Variants in CARMIL1 observed in about 807,000 individuals in gnomAD.
CARMIL1 encodes F-actin-uncapping protein LRRC16A.
A neutral mutation model predicts 177.1 loss-of-function variants in CARMIL1; 90 were observed. The ratio of observed to expected loss-of-function variants is 0.51; its 90% confidence interval spans 0.43 to 0.61. CARMIL1 has a LOEUF of 0.61. CARMIL1 is among the 20% of genes least tolerant of loss of function. The pLI, the probability that CARMIL1 is intolerant of heterozygous loss-of-function variation, is 0.00. For missense variants in CARMIL1, 1,380 were observed against 1,667.0 expected, an observed-to-expected ratio of 0.83 and a Z score of 3.00; for synonymous variants, 577 against 606.2, an observed-to-expected ratio of 0.95 and a Z score of 0.71.
chr6:25,555,189 T>C (rs958081056), intron 28 of CARMIL1, among the ~76,000 whole-genome samples: 2 of 152,192 alleles, frequency 1.3e-5, no homozygotes, highest in Non-Finnish European at 2.9e-5. Context: ...GTTATCTTTC[T>C]GATTTTTCTT....
rs565861368 is a variant in CARMIL1, at chr6:25,449,963, A to G, written c.437A>G (p.Asp146Gly). 1.4e-4 allele frequency: 224 copies of G among 1,611,686 alleles called. No individual in the cohort carries two copies. The South Asian group carries it at 2.2e-3, about 16-fold the overall frequency. ...CTGGCTAGTCTCCAGGCGCTGTGGG[A>G]CAGCCAGACCGTGGCTGAGCAGGGC... ...ERLASLQALW[D>G]SQTVAEQGPC... The change falls in exon 6 of 37, where the codon GAC becomes GGC. Residue 146 changes from aspartate (D) to glycine (G), a missense_variant. Coordinates refer to ENST00000329474, the MANE Select transcript of CARMIL1 (RefSeq NM_017640.6).
intron 2 of CARMIL1, among the ~76,000 whole-genome samples, chr6:25,390,320 A>ATATATATATATATATATATATTTTTTT (rs1554184839): frequency 1.9e-4 from 11 of 58,088 alleles, no homozygotes; most frequent in Admixed American, 4.7e-4. Flanking sequence ...ATATATATAT[A>ATATATATATATATATATATATTTTTTT]TTTTTTTTTT....
At chr6:25,496,441 G>A (rs192688096) in intron 16 of CARMIL1, among the ~76,000 whole-genome samples, 78 of 135,672 alleles carry the variant, frequency 5.7e-4, no homozygotes, top group Admixed American at 3.4e-3. Context: ...TTGCACCACT[G>A]CCAGCCTGGC....
At chr6:25,340,804 T>G (rs895731656) in intron 2 of CARMIL1, among the ~76,000 whole-genome samples, 1 of 128,244 alleles carries the variant, frequency 7.8e-6, no homozygotes, top group Non-Finnish European at 1.7e-5. Flanking sequence ...TTTTTTTTTT[T>G]AAGTCGTGTA....
chr6:25,338,289 A>G (rs2150312819), intron 2 of CARMIL1, among the ~76,000 whole-genome samples: 1 of 152,260 alleles, frequency 6.6e-6, no homozygotes, highest in South Asian at 2.1e-4. Context: ...AGGTGGTAGT[A>G]TAAAAAAAGG....
At chr6:25,490,756 A>AAAT (rs1562209014) in intron 13 of CARMIL1, among the ~76,000 whole-genome samples, 1 of 143,916 alleles carries the variant, frequency 6.9e-6, no homozygotes, top group Non-Finnish European at 1.5e-5. Context: ...TAAATAAAAA[A>AAAT]AAATAAATGT....
chr6:25,507,993 C>T (rs555067734), intron 17 of CARMIL1, among the ~76,000 whole-genome samples: 1 of 151,872 alleles, frequency 6.6e-6, no homozygotes, highest in African/African-American at 2.4e-5. Context: ...GAATAAAATA[C>T]AAGAAATATT....
At chr6:25,376,143 CG>C (rs1438845885) in intron 2 of CARMIL1, among the ~76,000 whole-genome samples, 1 of 152,144 alleles carries the variant, frequency 6.6e-6, no homozygotes, top group Non-Finnish European at 1.5e-5. Flanking sequence ...TGCAATGGCA[CG>C]ATCTTGGCTC....
At chr6:25,311,342 A>C (rs2150206323) in intron 2 of CARMIL1, among the ~76,000 whole-genome samples, 1 of 152,314 alleles carries the variant, frequency 6.6e-6, no homozygotes, top group South Asian at 2.1e-4. Flanking sequence ...ACAGCAGTTA[A>C]TTGCCATCAA....
At chr6:25,453,259 A>C (rs181098726) in intron 8 of CARMIL1, among the ~76,000 whole-genome samples, 209 of 152,002 alleles carry the variant, frequency 1.4e-3, no homozygotes, top group African/African-American at 4.6e-3. Flanking sequence ...AAAAAAAAAA[A>C]CAAACATATT....
chr6:25,385,481 T>G (rs1174030893), intron 2 of CARMIL1, among the ~76,000 whole-genome samples: 1 of 152,216 alleles, frequency 6.6e-6, no homozygotes, highest in Non-Finnish European at 1.5e-5. Flanking sequence ...AATGATTCGT[T>G]CATGCATTTC....
Position 25,450,389 on chromosome 6 carries a change from T to A in CARMIL1, c.520T>A (p.Tyr174Asn). Residue 174 changes from tyrosine to asparagine, a missense_variant, in exon 7 of 37, where the codon TAC (tyrosine) becomes AAC (asparagine). By Grantham distance (143) the Tyr-to-Asn change is moderately radical (BLOSUM62 -2). Coordinates refer to ENST00000329474, the MANE Select transcript of CARMIL1 (RefSeq NM_017640.6). ...TGTTTGTGACTGGCTTGGATTTTCA[T>A]ACAGGGAAGAAGTACAATGGGTAAG... Reference protein sequence around the residue: ...ACVCDWLGFSYREEVQWDVDT... With the variant: ...ACVCDWLGFSNREEVQWDVDT... 1 of 1,613,552 alleles carries A rather than the reference T, an allele frequency of 6.2e-7. No individual in the cohort carries two copies. Among genetic ancestry groups the A allele is most frequent in the Non-Finnish European group, 8.5e-7 (1 of 1,179,532 alleles).
intron 2 of CARMIL1, among the ~76,000 whole-genome samples, chr6:25,368,958 G>C (rs995899345): frequency 6.6e-6 from 1 of 152,092 alleles, no homozygotes; most frequent in African/African-American, 2.4e-5. Flanking sequence ...CTGTTAGGAG[G>C]GTTCGTTTTT....
At chr6:25,514,550 C>CAA (rs66490833) in intron 20 of CARMIL1, among the ~76,000 whole-genome samples, 2,064 of 84,122 alleles carry the variant, frequency 0.025, 111 homozygotes, top group African/African-American at 0.076. Context: ...GACCTTGTCT[C>CAA]AAAAAAAAAA....
chr6:25,517,325 A>G, intron 21 of CARMIL1, 22 bp from the exon 22 acceptor site: 2 of 1,587,218 alleles, frequency 1.3e-6, no homozygotes, highest in Non-Finnish European at 1.7e-6. Flanking sequence ...CTGATCATTT[A>G]TGTGATTTGA....
intron 12 of CARMIL1, among the ~76,000 whole-genome samples, chr6:25,485,649 G>C (rs1239306621): frequency 1.3e-5 from 2 of 151,996 alleles, no homozygotes; most frequent in Non-Finnish European, 2.9e-5. Flanking sequence ...TGGCTAGGCT[G>C]GTCTCAAATT....
At chr6:25,533,745 C>A (rs187480498) in intron 24 of CARMIL1, among the ~76,000 whole-genome samples, 1 of 152,070 alleles carries the variant, frequency 6.6e-6, no homozygotes. Context: ...GTGTTCTTTT[C>A]CTTTGGCTAT....
chr6:25,410,076 A>ACCCCCCCCCCCCCCCCCCC (rs371418369), intron 2 of CARMIL1, among the ~76,000 whole-genome samples: 4 of 139,886 alleles, frequency 2.9e-5, no homozygotes, highest in Admixed American at 2.2e-4. Context: ...ATCTAAATCA[A>ACCCCCCCCCCCCCCCCCCC]CCCCCCCCGC....
Position 25,426,567 on chromosome 6 carries a change from G to T in CARMIL1, c.249+7G>T. 1 of 1,609,882 alleles carries T rather than the reference G, an allele frequency of 6.2e-7. No homozygotes were observed. The highest frequency in any genetic ancestry group is 8.5e-7 in the Non-Finnish European group (1 of 1,177,038). ...TTGCAGCAAGTCAGCTCAGGTGAGT[G>T]TGAAAAATGGATCACTGCAAGATCA... is the stretch of plus-strand genomic sequence containing the variant. On this transcript the variant is annotated splice_region_variant and intron_variant, in intron 4 of 36. Coordinates refer to ENST00000329474, the MANE Select transcript of CARMIL1 (RefSeq NM_017640.6).
Sources: allele counts gnomAD v4.1 joint callset (sites outside exome capture counted in the v4.1 genomes callset), GRCh38; gene constraint gnomAD v4.1.1; transcripts MANE v1.5; gene names NCBI Gene and HGNC (gene_info 2026-07-23, HGNC 2026-07-21).